The following TMEM131 variants were observed in gnomAD, a reference collection of about 807,000 sequenced individuals.
The protein encoded by TMEM131 is 2610524E03Rik.
TMEM131 carries 66 observed loss-of-function variants against 211.6 expected under a neutral mutation model. The observed-to-expected ratio is 0.31, with a 90% CI of 0.26 to 0.38. The LOEUF is 0.38. Among genes scored for constraint, TMEM131 ranks in the 10% least tolerant of loss-of-function variants. The pLI is 1.00. For synonymous variants in TMEM131, 844 were observed against 841.3 expected, an observed-to-expected ratio of 1.00 and a Z score of -0.06; for missense variants, 2,036 against 2,299.3, an observed-to-expected ratio of 0.89 and a Z score of 2.34.
At chr2:97,855,247 A>C (rs1231530540) in intron 5 of TMEM131, among the ~76,000 whole-genome samples, 1 of 152,238 alleles carries the variant, frequency 6.6e-6, no homozygotes, top group Non-Finnish European at 1.5e-5. Flanking sequence ...TTACTTAGTG[A>C]TACAGTGCAA....
intron 3 of TMEM131, among the ~76,000 whole-genome samples, chr2:97,899,833 G>T (rs1354646943): frequency 6.6e-6 from 1 of 152,014 alleles, no homozygotes; most frequent in East Asian, 1.9e-4. Flanking sequence ...ACACATTGTA[G>T]AATGGCTACA....
chr2:97,882,395 A>G (rs376373879), intron 4 of TMEM131, among the ~76,000 whole-genome samples: 1 of 152,228 alleles, frequency 6.6e-6, no homozygotes, highest in African/African-American at 2.4e-5. Context: ...CAACATAATT[A>G]AAGTCCCTAA....
intron 4 of TMEM131, among the ~76,000 whole-genome samples, chr2:97,881,074 G>A (rs569234760): frequency 1.3e-5 from 2 of 152,120 alleles, no homozygotes; most frequent in Non-Finnish European, 2.9e-5. Flanking sequence ...GAAAGACGCA[G>A]GTTCTTTCCA....
At chr2:97,974,726 AC>A (rs931955858) in intron 1 of TMEM131, among the ~76,000 whole-genome samples, 40 of 152,022 alleles carry the variant, frequency 2.6e-4, no homozygotes, top group Admixed American at 1.4e-3. Context: ...AAAAAAAAAA[AC>A]ATGTCGACCT....
At chr2:97,806,537 T>C (rs993510155) in intron 19 of TMEM131, among the ~76,000 whole-genome samples, 1 of 152,080 alleles carries the variant, frequency 6.6e-6, no homozygotes, top group Non-Finnish European at 1.5e-5. Flanking sequence ...TGAGACTCCA[T>C]CTCAAACAAA....
At chr2:97,784,805 A>T (rs1680175036) in intron 31 of TMEM131, among the ~76,000 whole-genome samples, 1 of 152,174 alleles carries the variant, frequency 6.6e-6, no homozygotes, top group Non-Finnish European at 1.5e-5. Flanking sequence ...AATCAATGAA[A>T]CACAAAGCTG....
chr2:97,875,632 G>C (rs1449392558), intron 4 of TMEM131, among the ~76,000 whole-genome samples: 1 of 152,148 alleles, frequency 6.6e-6, no homozygotes, highest in Non-Finnish European at 1.5e-5. Context: ...GGTAAATAAT[G>C]AAATGAAGGC....
chr2:97,994,354 G>T (rs1448198268), intron 1 of TMEM131, among the ~76,000 whole-genome samples: 1 of 152,132 alleles, frequency 6.6e-6, no homozygotes, highest in Non-Finnish European at 1.5e-5. Context: ...CTCAGACTAA[G>T]GTTGCTTAGA....
At chr2:97,971,561 C>T (rs1312359163) in intron 1 of TMEM131, among the ~76,000 whole-genome samples, 3 of 152,182 alleles carry the variant, frequency 2.0e-5, no homozygotes, top group Non-Finnish European at 4.4e-5. Flanking sequence ...ATAAAGTTTT[C>T]TGAATCATAC....
intron 4 of TMEM131, among the ~76,000 whole-genome samples, chr2:97,885,923 C>T (rs746805816): frequency 2.8e-4 from 43 of 152,182 alleles, no homozygotes; most frequent in Non-Finnish European, 4.4e-4. Context: ...TATTTGTTCA[C>T]TTCATGGTAT....
At chr2:97,976,183 T>G (rs1408260648) in intron 1 of TMEM131, among the ~76,000 whole-genome samples, 2 of 152,092 alleles carry the variant, frequency 1.3e-5, no homozygotes, top group Non-Finnish European at 2.9e-5. Context: ...TATTCAACAT[T>G]GCACTGGAGG....
chr2:97,959,563 G>GT (rs1317504355), intron 1 of TMEM131, among the ~76,000 whole-genome samples: 1 of 151,920 alleles, frequency 6.6e-6, no homozygotes, highest in Admixed American at 6.6e-5. Flanking sequence ...GTCTGCGTGT[G>GT]TGTGTGTGTG....
chr2:97,880,433 ACAGTC>A (rs1674878984), intron 4 of TMEM131, among the ~76,000 whole-genome samples: 1 of 152,208 alleles, frequency 6.6e-6, no homozygotes, highest in African/African-American at 2.4e-5. Flanking sequence ...GCATATGGTA[ACAGTC>A]CAGATGAGAA....
At chr2:97,898,105 A>G (rs1191798372) in intron 3 of TMEM131, among the ~76,000 whole-genome samples, 1 of 151,968 alleles carries the variant, frequency 6.6e-6, no homozygotes, top group Non-Finnish European at 1.5e-5. Context: ...ATCTAGCTAC[A>G]TTCAAAGAAT....
At chr2:97,942,415 T>C (rs1677777312) in intron 1 of TMEM131, among the ~76,000 whole-genome samples, 1 of 150,992 alleles carries the variant, frequency 6.6e-6, no homozygotes. Flanking sequence ...ACATGGCACA[T>C]GTATACATAT....
At position 97,793,627 on chromosome 2, in the gene TMEM131, G is replaced by T. The variant is rs1680607089; in HGVS notation, c.3387-74C>A. The T allele has an allele frequency of 2.1e-6, 3 of 1,413,502 alleles. No individual in the cohort carries two copies. In the South Asian group the frequency reaches 4.1e-5, roughly 19 times the overall value. The allele number at this position is 1,413,502 out of a possible 1,614,324, so 87.6% of individuals were successfully genotyped here. On this transcript the variant is annotated intron_variant, in intron 29 of 40. Transcript: ENST00000186436. ...CAAGCAACAAAATTCGATGTTAAAGGCAGAGTTTCTTGGTAAAGTACAATA... is the reference window on the plus strand; with the variant it reads ...CAAGCAACAAAATTCGATGTTAAAGTCAGAGTTTCTTGGTAAAGTACAATA...
At position 97,766,012 on chromosome 2, in the gene TMEM131, A is replaced by G. The variant is rs1428969097; in HGVS notation, c.4723+102T>C. 4.1e-6 allele frequency: 6 copies of G among 1,449,866 alleles called. No individual in the cohort carries two copies. The Admixed American group carries it at 6.4e-5, about 15-fold the overall frequency. 89.8% of individuals were successfully genotyped at this position (1,449,866 alleles called of 1,614,324 possible). A position where few individuals can be genotyped will look rare whatever the true frequency, so the allele number is the denominator to read the frequency against. On this transcript the variant is annotated intron_variant, in intron 35 of 40. Transcript: ENST00000186436. ...GGCTCTTAGCTGGCAAAGCACTGTCAATGGGTATTTTAAAGCAACATGCCC... is the reference window on the plus strand; with the variant it reads ...GGCTCTTAGCTGGCAAAGCACTGTCGATGGGTATTTTAAAGCAACATGCCC...
chr2:97,958,860 A>G (rs1274218904), intron 1 of TMEM131, among the ~76,000 whole-genome samples: 2 of 152,224 alleles, frequency 1.3e-5, no homozygotes, highest in Admixed American at 1.3e-4. Context: ...GAAATGGTAG[A>G]GGGCTGAGCT....
chr2:97,944,330 A>C (rs1360622291), intron 1 of TMEM131, among the ~76,000 whole-genome samples: 1 of 152,316 alleles, frequency 6.6e-6, no homozygotes, highest in Non-Finnish European at 1.5e-5. Flanking sequence ...AATTAAATCC[A>C]GAAGGAACAA....
Sources: allele counts gnomAD v4.1 joint callset (sites outside exome capture counted in the v4.1 genomes callset), GRCh38; gene constraint gnomAD v4.1.1; transcripts MANE v1.5; gene names NCBI Gene and HGNC (gene_info 2026-07-23, HGNC 2026-07-21).